The following WDR72 variants were observed in gnomAD, a reference collection of about 807,000 sequenced individuals.
WDR72 encodes WD repeat domain 72.
In WDR72, 120 loss-of-function variants were observed where a neutral mutation model predicts 124.2. The observed-to-expected ratio is 0.97, with a 90% CI of 0.83 to 1.12. The LOEUF (loss-of-function observed/expected upper bound fraction) is 1.12. Among genes scored for constraint, WDR72 ranks in the 50% most tolerant of loss-of-function variants. The pLI is 0.00. For synonymous variants in WDR72, 452 were observed against 441.7 expected (o/e 1.02, Z -0.29); for missense variants, 1,387 against 1,278.8 (o/e 1.08, Z -1.29).
intron 6 of WDR72, among the ~76,000 whole-genome samples, chr15:53,714,119 G>A (rs1237149766): frequency 6.6e-6 from 1 of 151,938 alleles, no homozygotes; most frequent in African/African-American, 2.4e-5. Context: ...AAAAAAGGGG[G>A]ATTTCCTCTG....
chr15:53,729,038 C>G (rs533111646), intron 2 of WDR72, among the ~76,000 whole-genome samples: 9 of 152,244 alleles, frequency 5.9e-5, no homozygotes, highest in Admixed American at 5.2e-4. Context: ...TTCCCTATTC[C>G]TATTCTCCAA....
At chr15:53,572,837 C>A (rs564590384) in intron 18 of WDR72, among the ~76,000 whole-genome samples, 1 of 152,332 alleles carries the variant, frequency 6.6e-6, no homozygotes, top group South Asian at 2.1e-4. Context: ...TACAGAAAGT[C>A]AGCATTCAGT....
At chr15:53,707,767 G>A (rs2017424104) in intron 9 of WDR72, among the ~76,000 whole-genome samples, 1 of 152,194 alleles carries the variant, frequency 6.6e-6, no homozygotes, top group Admixed American at 6.5e-5. Context: ...TTAAGACTCA[G>A]AGGGCACTTT....
At chr15:53,521,996 G>T (rs1046581112) in intron 19 of WDR72, among the ~76,000 whole-genome samples, 2 of 151,990 alleles carry the variant, frequency 1.3e-5, no homozygotes, top group African/African-American at 4.8e-5. Flanking sequence ...TTCTGTCACT[G>T]CTAAAGATGC....
At chr15:53,562,072 G>A (rs12440881) in intron 18 of WDR72, among the ~76,000 whole-genome samples, 112,094 of 151,518 alleles carry the variant, frequency 0.74, 41,878 homozygotes, top group Middle Eastern at 0.86. Context: ...CTCTTTTTAA[G>A]TAAATTTTCT....
chr15:53,621,081 A>T (rs1228270019), intron 14 of WDR72, among the ~76,000 whole-genome samples: 1 of 152,118 alleles, frequency 6.6e-6, no homozygotes, highest in Non-Finnish European at 1.5e-5. Context: ...GGATAATTCA[A>T]ATCAAAACCA....
intron 19 of WDR72, among the ~76,000 whole-genome samples, chr15:53,520,350 A>C (rs1891722952): frequency 6.6e-6 from 1 of 152,126 alleles, no homozygotes. Flanking sequence ...TAAGTTCAAT[A>C]TCCATTAAAG....
At chr15:53,728,746 A>G (rs1238325730) in intron 2 of WDR72, among the ~76,000 whole-genome samples, 1 of 152,184 alleles carries the variant, frequency 6.6e-6, no homozygotes, top group Non-Finnish European at 1.5e-5. Context: ...ACCCAAGTAA[A>G]GAATTTGCTG....
chr15:53,710,769 C>G (rs1424932317), intron 9 of WDR72, 88 bp downstream of exon 9: 6 of 1,125,382 alleles, frequency 5.3e-6, no homozygotes, highest in Middle Eastern at 2.0e-4. Flanking sequence ...TCAATTTTTT[C>G]AAGCCTGATT....
intron 18 of WDR72, among the ~76,000 whole-genome samples, chr15:53,532,961 G>A (rs908501761): frequency 3.5e-4 from 53 of 152,132 alleles, no homozygotes; most frequent in Non-Finnish European, 7.4e-5. Context: ...CTAAGTATAC[G>A]TAATAAGAAC....
At chr15:53,726,994 T>C (rs1444591295) in intron 2 of WDR72, among the ~76,000 whole-genome samples, 2 of 152,178 alleles carry the variant, frequency 1.3e-5, no homozygotes, top group Middle Eastern at 3.4e-3. Flanking sequence ...TCTCCTCAGA[T>C]GGAGAAAGTT....
At chr15:53,596,633 T>C (rs369531813) in intron 18 of WDR72, among the ~76,000 whole-genome samples, 46 of 152,322 alleles carry the variant, frequency 3.0e-4, no homozygotes, top group African/African-American at 9.6e-4. Flanking sequence ...CTTTCAGTTT[T>C]AATTGCTTAA....
chr15:53,674,835 C>T (rs2016110918), intron 13 of WDR72, among the ~76,000 whole-genome samples: 1 of 152,078 alleles, frequency 6.6e-6, no homozygotes, highest in South Asian at 2.1e-4. Context: ...AGCACATTCA[C>T]AGCAATGCTG....
chr15:53,668,052 G>A lies in WDR72; in HGVS notation c.1766-2284C>T, dbSNP rs549303502. Reference sequence around the variant, plus strand: ...AAGAATGACTCAGTCCAGGTCCCTGGGAGCTTCCTTAAAACCTAATGGTAG... The same window carrying A: ...AAGAATGACTCAGTCCAGGTCCCTGAGAGCTTCCTTAAAACCTAATGGTAG... On this transcript the variant is annotated intron_variant, in intron 13 of 19. Coordinates refer to ENST00000360509, the MANE Select transcript of WDR72 (RefSeq NM_182758.4). Among the ~76,000 whole-genome samples the A allele has an allele frequency of 1.1e-4, 16 of 152,190 alleles. No homozygotes were observed. The South Asian group carries it at 3.1e-3, about 30-fold the overall frequency.
chr15:53,555,777 C>T (rs1324306258), intron 18 of WDR72, among the ~76,000 whole-genome samples: 1 of 152,060 alleles, frequency 6.6e-6, no homozygotes, highest in Non-Finnish European at 1.5e-5. Context: ...ATATATTTCT[C>T]AGCCCTTTAC....
At chr15:53,573,947 T>C (rs1347241493) in intron 18 of WDR72, among the ~76,000 whole-genome samples, 1 of 152,260 alleles carries the variant, frequency 6.6e-6, no homozygotes, top group Non-Finnish European at 1.5e-5. Context: ...ATATTAAACA[T>C]ATCCTCTGGA....
chr15:53,719,509 C>T (rs746066803), intron 3 of WDR72, among the ~76,000 whole-genome samples: 5 of 152,156 alleles, frequency 3.3e-5, no homozygotes, highest in Non-Finnish European at 5.9e-5. Flanking sequence ...ACCTGTGTGA[C>T]TTTCAGGAGA....
chr15:53,753,320 A>G (rs2018819201), intron 1 of WDR72, among the ~76,000 whole-genome samples: 1 of 152,244 alleles, frequency 6.6e-6, no homozygotes, highest in Non-Finnish European at 1.5e-5. Flanking sequence ...TATTTGGAGA[A>G]GCCTCCCTAA....
At chr15:53,586,881 C>G (rs1386295407) in intron 18 of WDR72, among the ~76,000 whole-genome samples, 1 of 151,968 alleles carries the variant, frequency 6.6e-6, no homozygotes, top group Non-Finnish European at 1.5e-5. Context: ...GTGACTTTCT[C>G]TTTTGGTTTC....
Sources: allele counts gnomAD v4.1 joint callset (sites outside exome capture counted in the v4.1 genomes callset), GRCh38; gene constraint gnomAD v4.1.1; transcripts MANE v1.5; gene names NCBI Gene and HGNC (gene_info 2026-07-23, HGNC 2026-07-21).